Variants in CA10 observed in about 807,000 individuals in gnomAD.
The protein encoded by CA10 is carbonic anhydrase-related protein 10.
A neutral mutation model predicts 44.2 loss-of-function variants in CA10; 14 were observed. The ratio of observed to expected loss-of-function variants is 0.32; its 90% CI spans 0.21 to 0.50. The LOEUF is 0.50. CA10 is among the 20% of genes least tolerant of loss of function. The probability of loss-of-function intolerance (pLI) is 0.99; values close to 1 mark genes in which losing one functional copy is unlikely to be tolerated. For missense variants in CA10, 350 were observed against 409.7 expected (o/e 0.85, Z 1.26); for synonymous variants, 159 against 141.6 (o/e 1.12, Z -0.87).
At chr17:52,073,608 A>C (rs1054785099) in intron 1 of CA10, among the ~76,000 whole-genome samples, 5 of 152,194 alleles carry the variant, frequency 3.3e-5, no homozygotes, top group African/African-American at 4.8e-5. Context: ...CTCTGGAAAA[A>C]ATAACACCTT....
chr17:51,949,266 A>G (rs932232832), intron 2 of CA10, among the ~76,000 whole-genome samples: 1 of 152,190 alleles, frequency 6.6e-6, no homozygotes, highest in East Asian at 1.9e-4. Flanking sequence ...AAAGGCACAC[A>G]TGCTACTGCA....
intron 4 of CA10, among the ~76,000 whole-genome samples, chr17:51,744,843 A>C (rs573776213): frequency 1.3e-5 from 2 of 152,324 alleles, no homozygotes; most frequent in African/African-American, 4.8e-5. Flanking sequence ...CTCAAAAGTC[A>C]ACTGCTTATC....
At chr17:51,751,734 A>G (rs1178196071) in intron 3 of CA10, among the ~76,000 whole-genome samples, 1 of 152,220 alleles carries the variant, frequency 6.6e-6, no homozygotes, top group Non-Finnish European at 1.5e-5. Context: ...GGTGCTAGAC[A>G]TGAGGAGAAT....
intron 3 of CA10, among the ~76,000 whole-genome samples, chr17:51,925,972 A>C (rs1036092401): frequency 6.6e-6 from 1 of 152,114 alleles, no homozygotes; most frequent in Admixed American, 6.6e-5. Flanking sequence ...TACTGGGTAC[A>C]GAGTTTCAAG....
intron 3 of CA10, among the ~76,000 whole-genome samples, chr17:51,791,272 T>C (rs991170394): frequency 6.6e-6 from 1 of 152,214 alleles, no homozygotes; most frequent in South Asian, 2.1e-4. Context: ...TATTACCTAA[T>C]AGAACAGTTC....
intron 1 of CA10, among the ~76,000 whole-genome samples, chr17:52,149,761 G>T (rs1989664685): frequency 6.6e-6 from 1 of 152,094 alleles, no homozygotes; most frequent in Non-Finnish European, 1.5e-5. Context: ...CTATATCTGG[G>T]TTATTCCAAA....
At chr17:51,852,838 A>G (rs927085079) in intron 3 of CA10, among the ~76,000 whole-genome samples, 1 of 152,218 alleles carries the variant, frequency 6.6e-6, no homozygotes, top group Non-Finnish European at 1.5e-5. Flanking sequence ...TAAACAATTA[A>G]TCATGTTCAG....
intron 4 of CA10, among the ~76,000 whole-genome samples, chr17:51,702,706 T>C (rs1405913223): frequency 1.3e-5 from 2 of 151,976 alleles, no homozygotes. Flanking sequence ...CAGAGGGAGG[T>C]AGACAGGGAG....
rs919430121 is a variant in CA10 at position 51,631,240 on chromosome 17, G to A, written c.*344C>T. 4.0e-6 allele frequency: 1 copy of A among 252,402 alleles called. No homozygotes were observed. Among genetic ancestry groups the A allele is most frequent in the African/African-American group, 2.3e-5 (1 of 44,210 alleles). 15.6% of individuals were successfully genotyped at this position (252,402 alleles called of 1,614,324 possible). A position where few individuals can be genotyped will look rare whatever the true frequency, so the allele number is the denominator to read the frequency against. On this transcript the variant is annotated 3_prime_UTR_variant, in exon 9 of 9. Coordinates refer to ENST00000451037, the MANE Select transcript of CA10 (RefSeq NM_020178.5). Reference sequence around the variant, plus strand: ...GAAAACGGTATCAAAATTGAAATCAGGTTAACTGGTTATTTTCTTCTAAGA... The same window carrying A: ...GAAAACGGTATCAAAATTGAAATCAAGTTAACTGGTTATTTTCTTCTAAGA...
At chr17:51,836,530 T>A (rs966535143) in intron 3 of CA10, among the ~76,000 whole-genome samples, 11 of 152,226 alleles carry the variant, frequency 7.2e-5, no homozygotes, top group African/African-American at 2.7e-4. Flanking sequence ...CACGGGGCAC[T>A]TGGGTAACCC....
intron 6 of CA10, among the ~76,000 whole-genome samples, chr17:51,637,895 A>G (rs1023338477): frequency 1.1e-4 from 17 of 152,250 alleles, no homozygotes; most frequent in Admixed American, 5.2e-4. Flanking sequence ...GGACAGAGCA[A>G]TTAACAAGAT....
intron 3 of CA10, among the ~76,000 whole-genome samples, chr17:51,757,989 C>T (rs766546230): frequency 1.6e-4 from 25 of 151,972 alleles, no homozygotes; most frequent in Non-Finnish European, 2.8e-4. Context: ...CAGACTGGAG[C>T]GATCTGCTTC....
intron 3 of CA10, among the ~76,000 whole-genome samples, chr17:51,818,248 A>C (rs2143755316): frequency 6.6e-6 from 1 of 152,374 alleles, no homozygotes; most frequent in South Asian, 2.1e-4. Context: ...TTAAATAAGA[A>C]AGGAAATAAG....
intron 3 of CA10, among the ~76,000 whole-genome samples, chr17:51,844,519 G>C (rs542908464): frequency 1.3e-5 from 2 of 152,068 alleles, no homozygotes; most frequent in South Asian, 4.1e-4. Context: ...ATGAATTTTG[G>C]TTTTCATTTT....
chr17:52,147,448 T>C (rs1259136831), intron 1 of CA10, among the ~76,000 whole-genome samples: 1 of 151,614 alleles, frequency 6.6e-6, no homozygotes, highest in African/African-American at 2.4e-5. Context: ...TGCCTTTACC[T>C]GGCTTAGTCA....
At chr17:52,115,015 T>A (rs1278298046) in intron 1 of CA10, among the ~76,000 whole-genome samples, 1 of 152,214 alleles carries the variant, frequency 6.6e-6, no homozygotes, top group South Asian at 2.1e-4. Context: ...CACAAGTGTT[T>A]ACACCAGATG....
At chr17:51,731,607 A>G (rs949838311) in intron 4 of CA10, among the ~76,000 whole-genome samples, 2 of 147,444 alleles carry the variant, frequency 1.4e-5, no homozygotes, top group Admixed American at 1.4e-4. Context: ...AATCTATGAC[A>G]TCTCATCAGC....
intron 4 of CA10, among the ~76,000 whole-genome samples, chr17:51,693,098 C>G (rs575863032): frequency 6.6e-6 from 1 of 152,258 alleles, no homozygotes; most frequent in African/African-American, 2.4e-5. Context: ...TAGTTTCAGC[C>G]AATTTGGACT....
intron 3 of CA10, among the ~76,000 whole-genome samples, chr17:51,803,357 T>C (rs1182756428): frequency 6.6e-6 from 1 of 152,184 alleles, no homozygotes; most frequent in African/African-American, 2.4e-5. Context: ...TGGACAGCTC[T>C]GCCCACAGCA....
Sources: allele counts gnomAD v4.1 joint callset (sites outside exome capture counted in the v4.1 genomes callset), GRCh38; gene constraint gnomAD v4.1.1; transcripts MANE v1.5; gene names NCBI Gene and HGNC (gene_info 2026-07-23, HGNC 2026-07-21).